BRIP1: variants seen among roughly 807,000 people sequenced by gnomAD.
BRIP1 encodes the protein Fanconi anemia group J protein.
BRIP1 carries 88 observed loss-of-function variants against 119.7 expected under a neutral mutation model. The observed-to-expected ratio is 0.74, with a 90% CI of 0.62 to 0.88. The LOEUF (loss-of-function observed/expected upper bound fraction) is 0.88, where lower values mean the gene tolerates loss of function less well. Among genes scored for constraint, BRIP1 ranks in the 40% least tolerant of loss-of-function variants. The probability of loss-of-function intolerance (pLI) is 0.00; values close to 1 mark genes in which losing one functional copy is unlikely to be tolerated. For missense variants in BRIP1, 1,259 were observed against 1,455.4 expected (o/e 0.87, Z 2.20); for synonymous variants, 443 against 496.5 (o/e 0.89, Z 1.43).
intron 17 of BRIP1, among the ~76,000 whole-genome samples, chr17:61,712,025 T>G (rs114832704): frequency 6.6e-6 from 1 of 152,082 alleles, no homozygotes; most frequent in Non-Finnish European, 1.5e-5. Context: ...TATATACATA[T>G]AGCTATGTCT....
chr17:61,830,437 C>CA (rs1002456190), intron 6 of BRIP1, among the ~76,000 whole-genome samples: 5 of 143,584 alleles, frequency 3.5e-5, no homozygotes, highest in East Asian at 2.0e-4. Context: ...CTAGATTAAG[C>CA]AAAAAAAAGG....
intron 8 of BRIP1, among the ~76,000 whole-genome samples, chr17:61,800,793 T>C (rs1603342895): frequency 6.6e-6 from 1 of 152,158 alleles, no homozygotes; most frequent in South Asian, 2.1e-4. Flanking sequence ...GAATAACAAT[T>C]GACTATGCCA....
Position 61,768,576 on chromosome 17 carries a change from T to C in BRIP1, c.2097+7825A>G, listed in dbSNP as rs990920080. ...TTCATAAATATCATTTCACTTCTAT[T>C]AATATTTTCATATGCCATAGTCACA... On this transcript the variant is annotated intron_variant, in intron 14 of 19. Transcript: ENST00000259008. The surrounding 1 kb of genome is among the most constrained non-coding windows in gnomAD (Gnocchi z 5.0). Among the ~76,000 whole-genome samples, 7 of 152,170 alleles carry C rather than the reference T, an allele frequency of 4.6e-5. No individual in the cohort carries two copies. Among genetic ancestry groups the C allele is most frequent in the Non-Finnish European group, 1.0e-4 (7 of 68,030 alleles).
intron 11 of BRIP1, among the ~76,000 whole-genome samples, chr17:61,781,959 A>G (rs971797930): frequency 4.0e-5 from 6 of 150,940 alleles, no homozygotes; most frequent in African/African-American, 1.5e-4. Flanking sequence ...ATTCTCTACC[A>G]TGTCTTCGCT....
chr17:61,783,108 A>T (rs1342308706), intron 11 of BRIP1, among the ~76,000 whole-genome samples: 1 of 152,204 alleles, frequency 6.6e-6, no homozygotes, highest in Non-Finnish European at 1.5e-5. Context: ...CGTTCATAGT[A>T]GCATTGTTTA....
chr17:61,777,411 T>C (rs898835341), intron 13 of BRIP1, among the ~76,000 whole-genome samples: 2 of 152,190 alleles, frequency 1.3e-5, no homozygotes, highest in African/African-American at 4.8e-5. Context: ...TTCAATTCAA[T>C]TCTGATACTA....
intron 8 of BRIP1, among the ~76,000 whole-genome samples, chr17:61,800,364 A>G (rs982825381): frequency 2.6e-5 from 4 of 152,162 alleles, no homozygotes; most frequent in African/African-American, 9.7e-5. Context: ...GATAAGTAGG[A>G]TTTGGATTTG....
rs775294920 is a variant in BRIP1 at position 61,768,403 on chromosome 17, G to T, written c.2097+7998C>A. On this transcript the variant is annotated intron_variant, in intron 14 of 19. Transcript: ENST00000259008. This position sits in a 1 kb window ranked among gnomAD's most constrained non-coding sequence, Gnocchi z 5.0. ...TCTACGGGAAATCACAGGAATTTTA[G>T]TTTGCAGTTCTAAAATACCTCTAAC... 7.2e-5 allele frequency among the ~76,000 whole-genome samples: 11 copies of T among 152,106 alleles called. No homozygotes were observed. Among genetic ancestry groups the T allele is most frequent in the Admixed American group, 5.2e-4 (8 of 15,266 alleles).
Position 61,776,487 on chromosome 17 carries a change from C to CA in BRIP1, c.2010dup (p.Glu671Ter), listed in dbSNP as rs775537066. On this transcript the variant is annotated frameshift_variant, in exon 14 of 20. Transcript: ENST00000259008. LOFTEE classifies it high-confidence loss of function. This position sits in a 1 kb window ranked among gnomAD's most constrained non-coding sequence, Gnocchi z 5.0. ...AGTGCTCCCACTTCATCTTGGAACT[C>CA]AAATGTTTCAGTATTCTGGAAGGTA... is the stretch of plus-strand genomic sequence containing the variant. 4.5e-5 allele frequency: 72 copies of CA among 1,614,048 alleles called. No individual in the cohort carries two copies. The highest frequency in any genetic ancestry group is 5.8e-5 in the Non-Finnish European group (69 of 1,180,034).
In BRIP1 at chr17:61,790,342, C is replaced by T. The variant is rs549905528; in HGVS notation, c.1473+3255G>A. Among the ~76,000 whole-genome samples, 26 of 152,140 alleles carry T rather than the reference C, an allele frequency of 1.7e-4. No homozygotes were observed. The East Asian group carries it at 4.7e-3, about 27-fold the overall frequency. ...GGCGGATCACCTGAGGTCAGGAGTT[C>T]GAGGCCAGCCTGACCAACATGGAGA... On this transcript the variant is annotated intron_variant, in intron 10 of 19. Transcript: ENST00000259008.
In BRIP1 at chr17:61,831,412, A is replaced by C. The variant is rs2078490623; in HGVS notation, c.627+15689T>G. 6.6e-6 allele frequency among the ~76,000 whole-genome samples: 1 copy of C among 152,226 alleles called. No individual in the cohort carries two copies. Among genetic ancestry groups the C allele is most frequent in the Non-Finnish European group, 1.5e-5 (1 of 68,034 alleles). ...ATAACAAGTTGCAGGTTACAGGGTAAATATACAAAAATGAATTCTACTTCT... is the reference window on the plus strand; with the variant it reads ...ATAACAAGTTGCAGGTTACAGGGTACATATACAAAAATGAATTCTACTTCT... On this transcript the variant is annotated intron_variant, in intron 6 of 19. Coordinates refer to ENST00000259008, the MANE Select transcript of BRIP1 (RefSeq NM_032043.3). The surrounding 1 kb of genome is among the most constrained non-coding windows in gnomAD (Gnocchi z 4.1).
Position 61,708,830 on chromosome 17 carries a change from G to A in BRIP1, c.2492+7121C>T, listed in dbSNP as rs2061731677. ...TTTGTAGATATTTTCTCATGGGGTGGTCAGTTTCCCTAAAAAGGAATTCTA... is the reference window on the plus strand; with the variant it reads ...TTTGTAGATATTTTCTCATGGGGTGATCAGTTTCCCTAAAAAGGAATTCTA... On this transcript the variant is annotated intron_variant, in intron 17 of 19. Coordinates refer to ENST00000259008, the MANE Select transcript of BRIP1 (RefSeq NM_032043.3). This position sits in a 1 kb window ranked among gnomAD's most constrained non-coding sequence, Gnocchi z 4.4. 6.6e-6 allele frequency among the ~76,000 whole-genome samples: 1 copy of A among 152,264 alleles called. No homozygotes were observed. Among genetic ancestry groups the A allele is most frequent in the African/African-American group, 2.4e-5 (1 of 41,540 alleles).
At chr17:61,786,997 AATAATTTTATAAAATT>A (rs988521903) in intron 10 of BRIP1, among the ~76,000 whole-genome samples, 2 of 115,326 alleles carry the variant, frequency 1.7e-5, no homozygotes, top group Non-Finnish European at 3.2e-5. Flanking sequence ...TAAATTTATA[AATAATTTTATAAAATT>A]ATAATTTTAT....
intron 17 of BRIP1, among the ~76,000 whole-genome samples, chr17:61,702,800 C>T (rs1441130861): frequency 6.6e-6 from 1 of 152,128 alleles, no homozygotes; most frequent in East Asian, 1.9e-4. Context: ...GAGAATGACT[C>T]ACATTCCTTT....
rs1451328838 is a variant in BRIP1 at position 61,680,634 on chromosome 17, C to A, written c.*2662G>T. On this transcript the variant is annotated 3_prime_UTR_variant, in exon 20 of 20. Coordinates refer to ENST00000259008, the MANE Select transcript of BRIP1 (RefSeq NM_032043.3). ...AGCTGGGACTACAGGCGCCCGCCAC[C>A]ACGCCTGGCTAATTTTTTGTATTTT... Among the ~76,000 whole-genome samples, 1 of 151,814 alleles carries A rather than the reference C, an allele frequency of 6.6e-6. No homozygotes were observed. The highest frequency in any genetic ancestry group is 6.6e-5 in the Admixed American group (1 of 15,240).
At chr17:61,782,675 CA>C (rs1229452217) in intron 11 of BRIP1, among the ~76,000 whole-genome samples, 1 of 150,428 alleles carries the variant, frequency 6.6e-6, no homozygotes, top group African/African-American at 2.4e-5. Flanking sequence ...CAAAAAAACC[CA>C]ATAATTCAAA....
rs1224718677 is a variant in BRIP1, at chr17:61,759,295, T to C, written c.2098-14704A>G. Among the ~76,000 whole-genome samples the C allele has an allele frequency of 1.3e-5, 2 of 151,822 alleles. No homozygotes were observed. The highest frequency in any genetic ancestry group is 2.9e-5 in the Non-Finnish European group (2 of 67,940). ...TTATCTATACTTACATAAGACAAAA[T>C]AGACTAAGTCAAATACTGTAAAAAG... is the stretch of plus-strand genomic sequence containing the variant. On this transcript the variant is annotated intron_variant, in intron 14 of 19. Transcript: ENST00000259008. This position sits in a 1 kb window ranked among gnomAD's most constrained non-coding sequence, Gnocchi z 4.9.
chr17:61,800,848 T>C (rs1243893579), intron 8 of BRIP1, among the ~76,000 whole-genome samples: 1 of 152,200 alleles, frequency 6.6e-6, no homozygotes, highest in Non-Finnish European at 1.5e-5. Context: ...TGCATGTCTC[T>C]AAAAAGAACC....
At chr17:61,727,782 C>T (rs1441767772) in intron 16 of BRIP1, among the ~76,000 whole-genome samples, 1 of 147,424 alleles carries the variant, frequency 6.8e-6, no homozygotes, top group Non-Finnish European at 1.5e-5. Context: ...CTCTCTCTCT[C>T]TCTCTCTCTA....
Sources: gnomAD v4.1 joint callset for allele counts (sites outside exome capture counted in the v4.1 genomes callset) on GRCh38, gnomAD v4.1.1 for gene constraint, Gnocchi (gnomAD v3.1) non-coding constraint, MANE v1.5 for transcripts, NCBI Gene and HGNC (gene_info 2026-07-23, HGNC 2026-07-21) for gene names.